Variants in ACAD11 observed in about 807,000 individuals in gnomAD.
ACAD11 encodes acyl-CoA dehydrogenase family member 11.
Under a neutral mutation model 102.2 loss-of-function variants are expected in ACAD11, and 83 were observed. The ratio of observed to expected loss-of-function variants is 0.81; its 90% confidence interval spans 0.68 to 0.97. The LOEUF (loss-of-function observed/expected upper bound fraction) is 0.97. Ranked by LOEUF, ACAD11 falls within the 50% of genes least tolerant of loss-of-function variation. The pLI, the probability that ACAD11 is intolerant of heterozygous loss-of-function variation, is 0.00. For synonymous variants in ACAD11, 324 were observed against 319.8 expected (o/e 1.01, Z -0.14); for missense variants, 901 against 951.7 (o/e 0.95, Z 0.70).
chr3:132,610,877 G>A (rs941487492), intron 11 of ACAD11, among the ~76,000 whole-genome samples: 1 of 152,122 alleles, frequency 6.6e-6, no homozygotes, highest in African/African-American at 2.4e-5. Context: ...ATTTTATGAG[G>A]CCAGCATCAT....
intron 4 of ACAD11, among the ~76,000 whole-genome samples, chr3:132,640,056 C>T (rs192081001): frequency 1.1e-3 from 166 of 150,830 alleles, no homozygotes; most frequent in African/African-American, 3.8e-3. Context: ...GAAAGGGTCA[C>T]GAGAAATAAG....
intron 13 of ACAD11, among the ~76,000 whole-genome samples, chr3:132,599,091 T>C (rs1039669809): frequency 6.6e-6 from 1 of 152,112 alleles, no homozygotes; most frequent in Non-Finnish European, 1.5e-5. Context: ...GGCAGGTAGA[T>C]TGCTTGAGCC....
intron 9 of ACAD11, among the ~76,000 whole-genome samples, chr3:132,624,003 C>T (rs1483558757): frequency 6.9e-6 from 1 of 145,708 alleles, no homozygotes; most frequent in South Asian, 2.2e-4. Flanking sequence ...CCCCCCACCA[C>T]CCTCCCCCAC....
At chr3:132,653,068 G>A (rs1376106360) in intron 1 of ACAD11, among the ~76,000 whole-genome samples, 2 of 152,160 alleles carry the variant, frequency 1.3e-5, no homozygotes, top group African/African-American at 4.8e-5. Flanking sequence ...ACACTAGAAA[G>A]GGATCCAAGA....
chr3:132,577,219 T>G (rs1937536439), intron 15 of ACAD11, among the ~76,000 whole-genome samples: 1 of 147,526 alleles, frequency 6.8e-6, no homozygotes, highest in South Asian at 2.1e-4. Context: ...AGAGAAACCC[T>G]TTGATCCAGA....
rs1040199559 is a variant in ACAD11, at chr3:132,618,777, C to A, written c.1276-5G>T. 5.1e-6 allele frequency: 8 copies of A among 1,581,768 alleles called. No homozygotes were observed. Among genetic ancestry groups the A allele is most frequent in the Non-Finnish European group, 6.0e-6 (7 of 1,167,926 alleles). On this transcript the variant is annotated splice_region_variant and splice_polypyrimidine_tract_variant and intron_variant, in intron 10 of 19. Transcript: ENST00000264990. ...ACCCTCGACTTTGGCCATTTCCTGT[C>A]AAGGTGATGAACATGCCAGAGTGAC...
rs1939506142 is a variant in ACAD11 at position 132,618,783 on chromosome 3, G to A, written c.1276-11C>T. The A allele has an allele frequency of 3.2e-6, 5 of 1,574,318 alleles. No individual in the cohort carries two copies. In the Admixed American group the frequency reaches 5.9e-5, roughly 18 times the overall value. The stretch of plus-strand genomic sequence containing the variant: ...GACTTTGGCCATTTCCTGTCAAGGT[G>A]ATGAACATGCCAGAGTGACCATAAT... On this transcript the variant is annotated splice_polypyrimidine_tract_variant and intron_variant, in intron 10 of 19. Coordinates refer to ENST00000264990, the MANE Select transcript of ACAD11 (RefSeq NM_032169.5).
At chr3:132,645,355 C>T (rs897146686) in intron 1 of ACAD11, among the ~76,000 whole-genome samples, 1 of 152,176 alleles carries the variant, frequency 6.6e-6, no homozygotes, top group Admixed American at 6.5e-5. Flanking sequence ...AAGGCTAGTG[C>T]GTGAGTTGAG....
chr3:132,564,384 T>C (rs1402226953), intron 17 of ACAD11, among the ~76,000 whole-genome samples: 1 of 152,230 alleles, frequency 6.6e-6, no homozygotes, highest in Non-Finnish European at 1.5e-5. Context: ...AGTAATACCA[T>C]CTGGGCCTGA....
intron 18 of ACAD11, 47 bp downstream of exon 18, chr3:132,561,053 TG>T: frequency 7.0e-7 from 1 of 1,433,118 alleles, no homozygotes; most frequent in South Asian, 1.2e-5. Flanking sequence ...GTGAGAGAAC[TG>T]GAGAAGGCTC....
At chr3:132,628,560 G>C (rs764697462) in intron 7 of ACAD11, 114 bp from the exon 8 acceptor site, 1 of 663,726 alleles carries the variant, frequency 1.5e-6, no homozygotes, top group East Asian at 2.9e-5. Flanking sequence ...GTATGAAGAC[G>C]TAAAACAGAC....
intron 5 of ACAD11, 125 bp from the exon 6 acceptor site, chr3:132,631,604 C>G: frequency 1.4e-6 from 1 of 698,726 alleles, no homozygotes; most frequent in East Asian, 3.4e-5. Context: ...AGGTCTTTAC[C>G]CACAGTGGCA....
intron 12 of ACAD11, among the ~76,000 whole-genome samples, chr3:132,604,769 C>A (rs1938765703): frequency 6.6e-6 from 1 of 152,024 alleles, no homozygotes. Flanking sequence ...ATATTTCATA[C>A]ATAAGGGCAA....
rs946183647 is a variant in ACAD11 at position 132,633,727 on chromosome 3, G to C, written c.703-2248C>G. On this transcript the variant is annotated intron_variant, in intron 5 of 19. Transcript: ENST00000264990. Reference sequence around the variant, plus strand: ...AACAGAGTAATAGACCAATGGAACAGAACAGAGCCCTCGGAAATAATACCA... The same window carrying C: ...AACAGAGTAATAGACCAATGGAACACAACAGAGCCCTCGGAAATAATACCA... Among the ~76,000 whole-genome samples the C allele has an allele frequency of 5.3e-5, 8 of 152,148 alleles. No homozygotes were observed. The East Asian group carries it at 1.5e-3, about 29-fold the overall frequency.
intron 13 of ACAD11, among the ~76,000 whole-genome samples, chr3:132,589,771 C>T (rs978136120): frequency 1.3e-5 from 2 of 152,076 alleles, no homozygotes; most frequent in Non-Finnish European, 2.9e-5. Flanking sequence ...CATAGGTGAA[C>T]TTGTGTCATT....
chr3:132,579,153 A>G, intron 14 of ACAD11: 1 of 1,073,684 alleles, frequency 9.3e-7, no homozygotes, highest in Admixed American at 2.8e-5. Flanking sequence ...ATATAATTAA[A>G]CATTTCAAGA....
chr3:132,637,900 G>T (rs1248478408), intron 5 of ACAD11, among the ~76,000 whole-genome samples: 1 of 152,030 alleles, frequency 6.6e-6, no homozygotes, highest in East Asian at 1.9e-4. Context: ...AATTAAACAT[G>T]CTGTTGTTTT....
intron 5 of ACAD11, among the ~76,000 whole-genome samples, chr3:132,636,091 TA>T (rs1450454394): frequency 2.0e-5 from 3 of 152,120 alleles, no homozygotes; most frequent in Non-Finnish European, 2.9e-5. Flanking sequence ...ATTTTTGGGG[TA>T]AAAACACAAA....
At chr3:132,649,110 G>T (rs571508245) in intron 1 of ACAD11, among the ~76,000 whole-genome samples, 13 of 152,344 alleles carry the variant, frequency 8.5e-5, no homozygotes, top group Non-Finnish European at 1.5e-4. Flanking sequence ...AGGGACCTCT[G>T]CCCTGGAAAG....
Sources: gnomAD v4.1 joint callset for allele counts (sites outside exome capture counted in the v4.1 genomes callset) on GRCh38, gnomAD v4.1.1 for gene constraint, MANE v1.5 for transcripts, NCBI Gene and HGNC (gene_info 2026-07-23, HGNC 2026-07-21) for gene names.